Variants in CRYBA4 observed in about 807,000 individuals in gnomAD.
The protein encoded by CRYBA4 is crystallin beta A4, also known as beta-crystallin A4.
A neutral mutation model predicts 31.7 loss-of-function variants in CRYBA4; 30 were observed. The ratio of observed to expected loss-of-function variants is 0.95; its 90% CI spans 0.71 to 1.28. CRYBA4 has a LOEUF of 1.28. Ranked by LOEUF, CRYBA4 falls within the 50% of genes most tolerant of loss-of-function variation. The probability of loss-of-function intolerance (pLI) is 0.00; values close to 1 mark genes in which losing one functional copy is unlikely to be tolerated. For missense variants in CRYBA4, 225 were observed against 260.7 expected (o/e 0.86, Z 0.94); for synonymous variants, 102 against 102.3 (o/e 1.00, Z 0.02).
chr22:26,600,369 T>C, the CRYBA4 span, among the ~76,000 whole-genome samples: 1 of 151,710 alleles, frequency 6.6e-6, no homozygotes. Context: ...ACCACTGTAC[T>C]CCAGCCTGAG....
upstream of CRYBA4, among the ~76,000 whole-genome samples, chr22:26,617,421 A>T (rs1929392355): frequency 6.6e-6 from 1 of 152,162 alleles, no homozygotes; most frequent in African/African-American, 2.4e-5. Context: ...GGATAAGCAC[A>T]TCCCTCCCCC....
upstream of CRYBA4, among the ~76,000 whole-genome samples, chr22:26,618,332 A>C (rs1408951383): frequency 6.6e-6 from 1 of 152,166 alleles, no homozygotes; most frequent in Non-Finnish European, 1.5e-5. Flanking sequence ...GGAAAAGGGG[A>C]GACCCTGGGA....
the CRYBA4 span, among the ~76,000 whole-genome samples, chr22:26,602,413 G>A: frequency 1.3e-5 from 2 of 151,852 alleles, no homozygotes; most frequent in African/African-American, 2.4e-5. Context: ...GCAAGATCCT[G>A]TCTCTCAAAA....
At chr22:26,608,428 A>T in the CRYBA4 span, among the ~76,000 whole-genome samples, 2 of 152,320 alleles carry the variant, frequency 1.3e-5, no homozygotes, top group South Asian at 2.1e-4. Context: ...GGCTCGTTTG[A>T]TGTTAATGTG....
At chr22:26,619,910 G>T (rs1315286335), upstream of CRYBA4, among the ~76,000 whole-genome samples, 1 of 152,164 alleles carries the variant, frequency 6.6e-6, no homozygotes, top group Non-Finnish European at 1.5e-5. Context: ...TCCACTCTGA[G>T]CATTTATTAT....
At chr22:26,625,304 G>T (rs1001081621) in intron 3 of CRYBA4, among the ~76,000 whole-genome samples, 177 bp from the exon 4 acceptor site, 2 of 152,190 alleles carry the variant, frequency 1.3e-5, no homozygotes, top group Admixed American at 1.3e-4. Context: ...GATGGCCTTC[G>T]CAGTCCCTCC....
the CRYBA4 span, among the ~76,000 whole-genome samples, chr22:26,607,560 G>GAA: frequency 0.14 from 16,584 of 115,756 alleles, 1,344 homozygotes; most frequent in South Asian, 0.27. Flanking sequence ...CCATCTTTGG[G>GAA]AAAAAAAAAA....
chr22:26,617,356 A>G (rs996843236), upstream of CRYBA4, among the ~76,000 whole-genome samples: 3 of 152,212 alleles, frequency 2.0e-5, no homozygotes, highest in African/African-American at 4.8e-5. Context: ...AGCACAGATT[A>G]AGACCCTCTG....
At chr22:26,599,555 G>C in the CRYBA4 span, 3 of 1,614,082 alleles carry the variant, frequency 1.9e-6, no homozygotes, top group Non-Finnish European at 2.5e-6. Flanking sequence ...TTGTCACGCA[G>C]GCGACGCAGG....
At chr22:26,622,488 C>T in intron 1 of CRYBA4, 97 bp from the exon 2 acceptor site, 2 of 1,021,020 alleles carry the variant, frequency 2.0e-6, no homozygotes, top group Non-Finnish European at 1.6e-6. Context: ...CTCCTGGACT[C>T]CCTATGTGGA....
the CRYBA4 span, among the ~76,000 whole-genome samples, chr22:26,604,008 T>C: frequency 3.9e-5 from 6 of 152,242 alleles, no homozygotes; most frequent in African/African-American, 9.6e-5. Context: ...TTTAATGCTT[T>C]CATGACCCTG....
chr22:26,602,373 C>T, the CRYBA4 span, among the ~76,000 whole-genome samples: 1 of 151,806 alleles, frequency 6.6e-6, no homozygotes, highest in African/African-American at 2.4e-5. Flanking sequence ...TGCTTGAGGC[C>T]AAGGGTTCAA....
chr22:26,627,468 C>T (rs1252169340), intron 4 of CRYBA4, among the ~76,000 whole-genome samples: 1 of 95,756 alleles, frequency 1.0e-5, no homozygotes, highest in Non-Finnish European at 2.0e-5. Context: ...TTCTTTCTTT[C>T]TTTCTTTCTC....
At chr22:26,605,321 G>A in the CRYBA4 span, among the ~76,000 whole-genome samples, 1 of 152,148 alleles carries the variant, frequency 6.6e-6, no homozygotes, top group African/African-American at 2.4e-5. Flanking sequence ...TGAAGACAGG[G>A]ACCTAGTCTG....
chr22:26,601,048 G>C, the CRYBA4 span, among the ~76,000 whole-genome samples: 2 of 152,186 alleles, frequency 1.3e-5, no homozygotes, highest in South Asian at 4.1e-4. Flanking sequence ...TCACAGACAA[G>C]GCTCCGTATA....
chr22:26,602,112 A>G, the CRYBA4 span: 1 of 1,527,450 alleles, frequency 6.5e-7, no homozygotes, highest in Non-Finnish European at 8.9e-7. Context: ...GGAGCGAGAG[A>G]GATGAGCCTG....
chr22:26,627,566 CTG>C (rs1929787144), intron 4 of CRYBA4, among the ~76,000 whole-genome samples: 1 of 120,986 alleles, frequency 8.3e-6, no homozygotes. Flanking sequence ...CTTTCATTCT[CTG>C]TCTTTCTTTT....
At chr22:26,611,469 GTT>G in the CRYBA4 span, among the ~76,000 whole-genome samples, 32 of 133,324 alleles carry the variant, frequency 2.4e-4, no homozygotes, top group East Asian at 4.2e-4. Flanking sequence ...TTTTTTTTTT[GTT>G]TTTTTTTTTT....
chr22:26,622,717 T>A, intron 2 of CRYBA4, 82 bp downstream of exon 2: 1 of 1,017,884 alleles, frequency 9.8e-7, no homozygotes, highest in Non-Finnish European at 1.6e-6. Context: ...GGGGGCATTA[T>A]AAATGCCTAT....
Sources: gnomAD v4.1 joint callset for allele counts (sites outside exome capture counted in the v4.1 genomes callset) on GRCh38, gnomAD v4.1.1 for gene constraint, MANE v1.5 for transcripts, NCBI Gene and HGNC (gene_info 2026-07-23, HGNC 2026-07-21) for gene names.